Variants in SYT14 observed in about 807,000 individuals in gnomAD.
SYT14 encodes the protein synaptotagmin-14.
Under a neutral mutation model 74.2 loss-of-function variants are expected in SYT14, and 32 were observed. That is an observed-to-expected ratio of 0.43 (90% CI 0.33 to 0.58). SYT14 has a LOEUF of 0.58. Ranked by LOEUF, SYT14 falls within the 20% of genes least tolerant of loss-of-function variation. The probability of loss-of-function intolerance (pLI) is 0.05; values close to 1 mark genes in which losing one functional copy is unlikely to be tolerated. For missense variants in SYT14, 791 were observed against 981.8 expected (o/e 0.81, Z 2.60); for synonymous variants, 298 against 337.7 (o/e 0.88, Z 1.29).
intron 5 of SYT14, among the ~76,000 whole-genome samples, chr1:210,063,447 ACAT>A (rs1362186035): frequency 6.6e-6 from 1 of 151,818 alleles, no homozygotes; most frequent in Non-Finnish European, 1.5e-5. Context: ...TAATGCTGTA[ACAT>A]CATATTCCTT....
intron 7 of SYT14, among the ~76,000 whole-genome samples, chr1:210,104,088 A>C (rs763463898): frequency 1.3e-5 from 2 of 152,216 alleles, no homozygotes; most frequent in African/African-American, 2.4e-5. Flanking sequence ...CAGTCAGATC[A>C]TGTTTCCATG....
At chr1:210,044,840 G>A (rs932198009) in intron 5 of SYT14, among the ~76,000 whole-genome samples, 4 of 152,146 alleles carry the variant, frequency 2.6e-5, no homozygotes, top group Admixed American at 6.6e-5. Context: ...TTTTACTTAC[G>A]GTGGAGCATG....
chr1:209,944,493 A>G (rs555202935), intron 1 of SYT14, among the ~76,000 whole-genome samples: 3 of 152,318 alleles, frequency 2.0e-5, no homozygotes, highest in Non-Finnish European at 4.4e-5. Context: ...TGTAAATTAT[A>G]AAGTGCTCTG....
chr1:210,015,848 A>G (rs1473234589), exon 4 of SYT14: 1 of 1,210,564 alleles, frequency 8.3e-7, no homozygotes, highest in Non-Finnish European at 1.0e-6. Flanking sequence ...TGCATAATGT[A>G]TTTACAGAAA....
chr1:209,938,390 G>C, intron 1 of SYT14, 113 bp downstream of exon 1: 1 of 1,089,366 alleles, frequency 9.2e-7, no homozygotes, highest in Non-Finnish European at 1.3e-6. Flanking sequence ...GTGGTCTGGA[G>C]CCGGCTGAAG....
intron 5 of SYT14, among the ~76,000 whole-genome samples, chr1:210,057,682 G>A (rs1484818893): frequency 6.6e-6 from 1 of 152,124 alleles, no homozygotes; most frequent in East Asian, 1.9e-4. Context: ...TTTTGTTAAT[G>A]ATTTATATAT....
At chr1:210,080,397 T>C (rs2081596480) in intron 5 of SYT14, among the ~76,000 whole-genome samples, 1 of 152,240 alleles carries the variant, frequency 6.6e-6, no homozygotes, top group Non-Finnish European at 1.5e-5. Context: ...CAGCCTGGTA[T>C]TTCTGTGACA....
chr1:210,000,320 AGTT>A (rs1210588638), intron 2 of SYT14, among the ~76,000 whole-genome samples: 1 of 152,052 alleles, frequency 6.6e-6, no homozygotes, highest in Non-Finnish European at 1.5e-5. Context: ...AGGGTAGTAG[AGTT>A]GTTGTGAAAC....
At chr1:210,163,290 G>A (rs1242301696) in exon 10 of SYT14, 7 of 453,564 alleles carry the variant, frequency 1.5e-5, no homozygotes, top group East Asian at 6.9e-5. Flanking sequence ...CCAGAATTGT[G>A]TGTGTGATTT....
At chr1:209,957,716 C>T (rs1176661156) in intron 2 of SYT14, among the ~76,000 whole-genome samples, 1 of 151,938 alleles carries the variant, frequency 6.6e-6, no homozygotes, top group Non-Finnish European at 1.5e-5. Context: ...CGTGAACCAC[C>T]CTGCCCAGCC....
At chr1:210,017,894 C>T (rs2080218359) in intron 4 of SYT14, among the ~76,000 whole-genome samples, 1 of 152,106 alleles carries the variant, frequency 6.6e-6, no homozygotes, top group Admixed American at 6.5e-5. Flanking sequence ...TTATAAAATA[C>T]ACATCTGGAA....
At chr1:210,022,340 A>G (rs1485302709) in intron 5 of SYT14, among the ~76,000 whole-genome samples, 1 of 152,220 alleles carries the variant, frequency 6.6e-6, no homozygotes, top group Non-Finnish European at 1.5e-5. Flanking sequence ...TGATTACTAT[A>G]TGGTCATTAT....
intron 7 of SYT14, among the ~76,000 whole-genome samples, chr1:210,134,513 G>A (rs2082741691): frequency 6.6e-6 from 1 of 152,070 alleles, no homozygotes; most frequent in Non-Finnish European, 1.5e-5. Context: ...ATGAAATAGA[G>A]CCCTGAGTTT....
intron 7 of SYT14, among the ~76,000 whole-genome samples, chr1:210,133,465 G>A (rs1458447100): frequency 6.6e-6 from 1 of 152,184 alleles, no homozygotes; most frequent in Non-Finnish European, 1.5e-5. Context: ...TAGCAAATAG[G>A]TTTATTTCAT....
At chr1:210,032,384 C>T (rs138553478) in intron 5 of SYT14, among the ~76,000 whole-genome samples, 1 of 152,084 alleles carries the variant, frequency 6.6e-6, no homozygotes, top group African/African-American at 2.4e-5. Context: ...GCCCTAAGCA[C>T]TTCATCAGGT....
chr1:210,055,925 G>A (rs1214212572), intron 5 of SYT14, among the ~76,000 whole-genome samples: 1 of 152,120 alleles, frequency 6.6e-6, no homozygotes, highest in African/African-American at 2.4e-5. Flanking sequence ...TTCTAAGTAG[G>A]TGTTTTACTT....
At chr1:210,157,710 C>G (rs1021480313) in intron 8 of SYT14, among the ~76,000 whole-genome samples, 1 of 151,860 alleles carries the variant, frequency 6.6e-6, no homozygotes, top group African/African-American at 2.4e-5. Flanking sequence ...CCACTGCACT[C>G]CAGCCTGGTG....
chr1:210,001,642 A>G (rs1480742041), intron 2 of SYT14, among the ~76,000 whole-genome samples: 2 of 152,170 alleles, frequency 1.3e-5, no homozygotes, highest in Admixed American at 1.3e-4. Flanking sequence ...AAGATAAGAG[A>G]TACAAAAAAT....
intron 2 of SYT14, among the ~76,000 whole-genome samples, chr1:209,960,089 A>C (rs2079055340): frequency 6.6e-6 from 1 of 152,190 alleles, no homozygotes; most frequent in Admixed American, 6.5e-5. Flanking sequence ...TGCCTGAGAC[A>C]GGTGAATGTA....
Sources: gnomAD v4.1 joint callset for allele counts (sites outside exome capture counted in the v4.1 genomes callset) on GRCh38, gnomAD v4.1.1 for gene constraint, MANE v1.5 for transcripts, NCBI Gene and HGNC (gene_info 2026-07-23, HGNC 2026-07-21) for gene names.